EYS: variants seen among roughly 807,000 people sequenced by gnomAD.
EYS encodes the protein protein eyes shut homolog.
In EYS, 250 loss-of-function variants were observed where a neutral mutation model predicts 282.1. The ratio of observed to expected loss-of-function variants is 0.89; its 90% CI spans 0.80 to 0.98. EYS has a LOEUF of 0.98. Among genes scored for constraint, EYS ranks in the 50% least tolerant of loss-of-function variants. The probability of loss-of-function intolerance (pLI) is 0.00; values close to 1 mark genes in which losing one functional copy is unlikely to be tolerated. For synonymous variants in EYS, 1,355 were observed against 1,282.9 expected, an observed-to-expected ratio of 1.06 and a Z score of -1.20; for missense variants, 4,016 against 3,709.0, an observed-to-expected ratio of 1.08 and a Z score of -2.15.
chr6:64,046,452 G>A (rs538762412), intron 33 of EYS, among the ~76,000 whole-genome samples: 6 of 152,126 alleles, frequency 3.9e-5, no homozygotes, highest in African/African-American at 1.2e-4. Context: ...GCAGTGAGCT[G>A]GGAGGACACA....
intron 29 of EYS, among the ~76,000 whole-genome samples, chr6:64,371,136 T>G (rs1388402521): frequency 6.6e-6 from 1 of 152,096 alleles, no homozygotes; most frequent in Non-Finnish European, 1.5e-5. Flanking sequence ...TTCCTAACTT[T>G]TTGATGTAAG....
chr6:64,177,875 G>A (rs1026992750), intron 31 of EYS, among the ~76,000 whole-genome samples: 17 of 152,016 alleles, frequency 1.1e-4, no homozygotes, highest in African/African-American at 4.1e-4. Context: ...CCCCTTTTGG[G>A]GGCGACATTA....
At chr6:64,140,444 T>G (rs1255924589) in intron 31 of EYS, among the ~76,000 whole-genome samples, 1 of 152,226 alleles carries the variant, frequency 6.6e-6, no homozygotes, top group Non-Finnish European at 1.5e-5. Context: ...CTTCTTCAGA[T>G]GTACTCTCAA....
intron 7 of EYS, among the ~76,000 whole-genome samples, chr6:65,386,618 G>C (rs948035474): frequency 6.6e-6 from 1 of 151,726 alleles, no homozygotes; most frequent in Non-Finnish European, 1.5e-5. Flanking sequence ...GAAAACAAAA[G>C]CAAAGTAAAC....
intron 2 of EYS, among the ~76,000 whole-genome samples, chr6:65,598,259 A>C (rs1383357661): frequency 9.3e-5 from 11 of 117,668 alleles, no homozygotes; most frequent in East Asian, 3.1e-4. Context: ...AAAAAAAAAA[A>C]CAAAAACTTT....
In EYS at chr6:64,474,871, G is replaced by A. The variant is rs1006162852; in HGVS notation, c.5645-35519C>T. ...GATATAGCATTTGTGTTGTTTCAGTGGTACTTTTCACTTATGTTCCTCTTT... is the reference window on the plus strand; with the variant it reads ...GATATAGCATTTGTGTTGTTTCAGTAGTACTTTTCACTTATGTTCCTCTTT... On this transcript the variant is annotated intron_variant, in intron 26 of 42. Coordinates refer to ENST00000503581, the MANE Select transcript of EYS (RefSeq NM_001142800.2). Among the ~76,000 whole-genome samples the A allele has an allele frequency of 2.0e-5, 3 of 152,082 alleles. No homozygotes were observed. The South Asian group carries it at 6.2e-4, about 31-fold the overall frequency.
intron 13 of EYS, among the ~76,000 whole-genome samples, chr6:65,013,266 A>T (rs1771936912): frequency 6.6e-6 from 1 of 152,168 alleles, no homozygotes; most frequent in Non-Finnish European, 1.5e-5. Context: ...GTATATGAGA[A>T]AATACTCATG....
intron 31 of EYS, among the ~76,000 whole-genome samples, chr6:64,135,329 A>G (rs1774124147): frequency 6.6e-6 from 1 of 152,106 alleles, no homozygotes; most frequent in Non-Finnish European, 1.5e-5. Flanking sequence ...ATAAACTACT[A>G]TGAACATTAT....
chr6:65,112,445 A>C (rs1169943859), intron 12 of EYS, among the ~76,000 whole-genome samples: 1 of 152,158 alleles, frequency 6.6e-6, no homozygotes, highest in Non-Finnish European at 1.5e-5. Context: ...TCTATTAAAA[A>C]CTATGAGAAT....
intron 11 of EYS, among the ~76,000 whole-genome samples, chr6:65,322,227 G>C (rs1430343422): frequency 6.6e-6 from 1 of 152,112 alleles, no homozygotes; most frequent in Non-Finnish European, 1.5e-5. Context: ...ACAGAGAGAG[G>C]AACCAGATGA....
chr6:64,940,502 GT>G (rs1256831316), intron 15 of EYS, among the ~76,000 whole-genome samples: 9 of 151,944 alleles, frequency 5.9e-5, no homozygotes, highest in Admixed American at 2.6e-4. Flanking sequence ...TTAATATTAT[GT>G]TTTTAGTTCA....
intron 2 of EYS, among the ~76,000 whole-genome samples, chr6:65,613,255 A>C (rs1766064889): frequency 6.6e-6 from 1 of 151,912 alleles, no homozygotes; most frequent in Non-Finnish European, 1.5e-5. Context: ...AGATGTTCAG[A>C]ATATTGGTAT....
chr6:65,516,086 A>T (rs142845232), intron 2 of EYS, among the ~76,000 whole-genome samples: 27 of 152,148 alleles, frequency 1.8e-4, no homozygotes, highest in African/African-American at 6.5e-4. Flanking sequence ...TGAAAAAGAA[A>T]AGAAGGAAGG....
chr6:65,405,900 G>A (rs972011663), intron 5 of EYS, among the ~76,000 whole-genome samples: 1 of 151,998 alleles, frequency 6.6e-6, no homozygotes, highest in African/African-American at 2.4e-5. Flanking sequence ...TTATTCGAAG[G>A]AATATGCTTT....
intron 33 of EYS, among the ~76,000 whole-genome samples, chr6:64,030,031 G>T (rs1769743867): frequency 6.6e-6 from 1 of 152,142 alleles, no homozygotes; most frequent in Non-Finnish European, 1.5e-5. Flanking sequence ...GGGAAGAAGA[G>T]GGGAGAACAG....
chr6:65,057,781 A>G (rs1773461705), intron 12 of EYS, 54 bp from the exon 13 acceptor site: 2 of 1,203,546 alleles, frequency 1.7e-6, no homozygotes, highest in Admixed American at 4.0e-5. Flanking sequence ...GGCATGTATC[A>G]AGTCGTAATT....
At chr6:65,662,226 A>C (rs1265420791) in intron 1 of EYS, among the ~76,000 whole-genome samples, 2 of 152,174 alleles carry the variant, frequency 1.3e-5, no homozygotes, top group African/African-American at 4.8e-5. Flanking sequence ...GAACATTCCC[A>C]AAATTTACCA....
At chr6:64,270,265 G>C (rs1767898097) in intron 30 of EYS, among the ~76,000 whole-genome samples, 1 of 151,878 alleles carries the variant, frequency 6.6e-6, no homozygotes, top group South Asian at 2.1e-4. Flanking sequence ...TCTTCAAGAT[G>C]ACTTTCACAT....
At chr6:63,936,659 A>G (rs1765067880) in intron 35 of EYS, among the ~76,000 whole-genome samples, 1 of 152,170 alleles carries the variant, frequency 6.6e-6, no homozygotes, top group African/African-American at 2.4e-5. Context: ...TATCCATCTA[A>G]CTGGGAGCTT....
Sources: allele counts gnomAD v4.1 joint callset (sites outside exome capture counted in the v4.1 genomes callset), GRCh38; gene constraint gnomAD v4.1.1; transcripts MANE v1.5; gene names NCBI Gene and HGNC (gene_info 2026-07-23, HGNC 2026-07-21).